SOCS7: variants seen among roughly 807,000 people sequenced by gnomAD.
SOCS7 encodes the protein suppressor of cytokine signaling 7.
A neutral mutation model predicts 58.9 loss-of-function variants in SOCS7; 18 were observed. The observed-to-expected ratio is 0.31, with a 90% CI of 0.21 to 0.45. The LOEUF (loss-of-function observed/expected upper bound fraction) is 0.45. SOCS7 is among the 20% of genes least tolerant of loss of function. SOCS7 has a pLI of 1.00. For synonymous variants in SOCS7, 388 were observed against 364.3 expected, an observed-to-expected ratio of 1.06 and a Z score of -0.74; for missense variants, 667 against 837.3, an observed-to-expected ratio of 0.80 and a Z score of 2.51.
At chr17:38,358,175 TTGC>T (rs2037665099) in intron 1 of SOCS7, among the ~76,000 whole-genome samples, 1 of 152,206 alleles carries the variant, frequency 6.6e-6, no homozygotes, top group African/African-American at 2.4e-5. Flanking sequence ...CCAGTCTTTG[TTGC>T]TGCTAAGATG....
intron 6 of SOCS7, among the ~76,000 whole-genome samples, chr17:38,370,320 G>T (rs1482848867): frequency 6.6e-6 from 1 of 151,976 alleles, no homozygotes; most frequent in Non-Finnish European, 1.5e-5. Flanking sequence ...TTGTTAAAGG[G>T]ACTTTGCTTC....
At chr17:38,372,823 A>C (rs1045229355) in intron 6 of SOCS7, among the ~76,000 whole-genome samples, 5 of 152,082 alleles carry the variant, frequency 3.3e-5, no homozygotes, top group Non-Finnish European at 7.4e-5. Flanking sequence ...TAAAAGAAAA[A>C]AGGCTGGATG....
intron 9 of SOCS7, among the ~76,000 whole-genome samples, chr17:38,398,919 T>C (rs905944234): frequency 6.6e-6 from 1 of 151,854 alleles, no homozygotes; most frequent in Non-Finnish European, 1.5e-5. Flanking sequence ...GGTGAAACCC[T>C]GTCTCTACTA....
At chr17:38,369,581 A>G (rs2037834503) in intron 6 of SOCS7, among the ~76,000 whole-genome samples, 1 of 151,994 alleles carries the variant, frequency 6.6e-6, no homozygotes, top group Non-Finnish European at 1.5e-5. Context: ...TCAAATGACT[A>G]GGCCCTGGGA....
chr17:38,380,371 C>G lies in SOCS7; in HGVS notation c.1681+2529C>G, dbSNP rs1046869174. The stretch of plus-strand genomic sequence containing the variant: ...TATGGCTGGGCTCGGTGGCTCACGC[C>G]TGTAATCCCATCACTTTGGGAGTCC... On this transcript the variant is annotated intron_variant, in intron 7 of 9. Transcript: ENST00000612932. 2.6e-5 allele frequency among the ~76,000 whole-genome samples: 4 copies of G among 151,974 alleles called. No individual in the cohort carries two copies. In the East Asian group the frequency reaches 7.7e-4, roughly 29 times the overall value.
intron 7 of SOCS7, among the ~76,000 whole-genome samples, chr17:38,381,946 C>CAAAAAAAAAAAAAAAA: frequency 1.1e-4 from 2 of 17,666 alleles, no homozygotes; most frequent in Non-Finnish European, 2.3e-4. Flanking sequence ...GACTCTGTCT[C>CAAAAAAAAAAAAAAAA]AAAAAAAAAA....
At chr17:38,362,004 G>C (rs902237908) in intron 2 of SOCS7, among the ~76,000 whole-genome samples, 27 of 152,316 alleles carry the variant, frequency 1.8e-4, no homozygotes, top group African/African-American at 6.5e-4. Context: ...GTAATTAGGT[G>C]GCCTGGGTGG....
chr17:38,387,127 A>ATATATATATATATGTG (rs1567749184), intron 7 of SOCS7, among the ~76,000 whole-genome samples: 1 of 93,548 alleles, frequency 1.1e-5, no homozygotes, highest in African/African-American at 5.7e-5. Flanking sequence ...ATATATATAT[A>ATATATATATATATGTG]TGTATGTATA....
intron 7 of SOCS7, among the ~76,000 whole-genome samples, chr17:38,385,045 C>T (rs1033363603): frequency 4.0e-5 from 6 of 151,048 alleles, no homozygotes; most frequent in East Asian, 3.9e-4. Context: ...TACAGGCATC[C>T]GCCACCACGC....
At chr17:38,376,535 T>C (rs1225631381) in intron 6 of SOCS7, among the ~76,000 whole-genome samples, 1 of 151,970 alleles carries the variant, frequency 6.6e-6, no homozygotes, top group Non-Finnish European at 1.5e-5. Flanking sequence ...AGTTCGAGGC[T>C]AGCCTGACCA....
chr17:38,371,903 T>C (rs2037873183), intron 6 of SOCS7, among the ~76,000 whole-genome samples: 2 of 151,940 alleles, frequency 1.3e-5, no homozygotes, highest in Non-Finnish European at 2.9e-5. Context: ...GTGGGATCTT[T>C]GTAATATGTT....
intron 4 of SOCS7, 101 bp from the exon 5 acceptor site, chr17:38,366,186 C>T: frequency 6.7e-7 from 1 of 1,499,752 alleles, no homozygotes; most frequent in East Asian, 2.4e-5. Flanking sequence ...CTTCTAATGC[C>T]TTGCCCTCTT....
intron 6 of SOCS7, among the ~76,000 whole-genome samples, chr17:38,369,576 T>A (rs940625776): frequency 4.6e-5 from 7 of 152,030 alleles, no homozygotes; most frequent in Non-Finnish European, 1.0e-4. Flanking sequence ...CCTGTTCAAA[T>A]GACTAGGCCC....
Position 38,405,023 on chromosome 17 carries a change from T to C in SOCS7, c.*5541T>C, listed in dbSNP as rs1027468935. 1.2e-4 allele frequency: 18 copies of C among 151,098 alleles called. No homozygotes were observed. The highest frequency in any genetic ancestry group is 9.8e-4 in the Admixed American group (15 of 15,270). The allele number at this position is 151,098 out of a possible 1,614,324, so 9.4% of individuals were successfully genotyped here. A position where few individuals can be genotyped will look rare whatever the true frequency, so the allele number is the denominator to read the frequency against. Reference sequence around the variant, plus strand: ...GGGAGCCACCCCTTGCAACCACTTCTGTCTCCGTTAGCCCCCCCTCTGCCC... The same window carrying C: ...GGGAGCCACCCCTTGCAACCACTTCCGTCTCCGTTAGCCCCCCCTCTGCCC... On this transcript the variant is annotated 3_prime_UTR_variant, in exon 10 of 10. Transcript: ENST00000612932.
chr17:38,370,426 A>G (rs2037848025), intron 6 of SOCS7, among the ~76,000 whole-genome samples: 1 of 151,466 alleles, frequency 6.6e-6, no homozygotes, highest in South Asian at 2.1e-4. Context: ...CGTAGCCTCA[A>G]CCTCCCAGGC....
intron 2 of SOCS7, among the ~76,000 whole-genome samples, chr17:38,364,307 T>G (rs1436819994): frequency 6.6e-6 from 1 of 152,220 alleles, no homozygotes; most frequent in African/African-American, 2.4e-5. Context: ...GCATTCAGCT[T>G]ACCGTACAGT....
intron 6 of SOCS7, among the ~76,000 whole-genome samples, chr17:38,372,882 G>A (rs1018025897): frequency 1.3e-4 from 20 of 152,110 alleles, no homozygotes; most frequent in Admixed American, 6.6e-5. Context: ...CGAGGCGGGC[G>A]GATCACATGA....
At chr17:38,387,677 T>A (rs2038097538) in intron 7 of SOCS7, among the ~76,000 whole-genome samples, 2 of 136,128 alleles carry the variant, frequency 1.5e-5, no homozygotes, top group African/African-American at 6.0e-5. Context: ...TACTATATAT[T>A]TTATATATTT....
intron 6 of SOCS7, among the ~76,000 whole-genome samples, chr17:38,368,341 A>G (rs2037818791): frequency 1.3e-5 from 2 of 152,188 alleles, no homozygotes; most frequent in South Asian, 4.1e-4. Flanking sequence ...ATGAGCCGGT[A>G]AAACTCTTTA....
Sources: gnomAD v4.1 joint callset for allele counts (sites outside exome capture counted in the v4.1 genomes callset) on GRCh38, gnomAD v4.1.1 for gene constraint, MANE v1.5 for transcripts, NCBI Gene and HGNC (gene_info 2026-07-23, HGNC 2026-07-21) for gene names.